The following C16orf46 variants were observed in gnomAD, a reference collection of about 807,000 sequenced individuals.
The protein encoded by C16orf46 is chromosome 16 open reading frame 46, also known as uncharacterized protein C16orf46.
C16orf46 carries 7 observed loss-of-function variants against 5.5 expected under a neutral mutation model. That is an observed-to-expected ratio of 1.28 (90% CI 0.73 to 2.40). The LOEUF (loss-of-function observed/expected upper bound fraction) is 2.40, where lower values mean the gene tolerates loss of function less well. Among genes scored for constraint, C16orf46 ranks in the 30% most tolerant of loss-of-function variants. The pLI is 0.00. For synonymous variants in C16orf46, 200 were observed against 184.1 expected (o/e 1.09, Z -0.70); for missense variants, 614 against 476.0 (o/e 1.29, Z -2.70).
chr16:81,067,505 A>T (rs1223132934), intron 1 of C16orf46, among the ~76,000 whole-genome samples: 1 of 152,180 alleles, frequency 6.6e-6, no homozygotes, highest in Non-Finnish European at 1.5e-5. Flanking sequence ...GGTACAATGA[A>T]TTTTGACCTT....
chr16:81,064,965 T>C (rs1445961923), intron 2 of C16orf46, among the ~76,000 whole-genome samples: 1 of 152,094 alleles, frequency 6.6e-6, no homozygotes, highest in Non-Finnish European at 1.5e-5. Context: ...ATGACGCCCC[T>C]AGCAAAGTAA....
At chr16:81,057,912 C>T (rs1971349306), downstream of C16orf46, 1 of 154,932 alleles carries the variant, frequency 6.5e-6, no homozygotes, top group Admixed American at 6.5e-5. Context: ...CACCTGTAAC[C>T]CCAGCTACTC....
chr16:81,071,102 G>A (rs890985999), intron 1 of C16orf46, among the ~76,000 whole-genome samples: 3 of 152,110 alleles, frequency 2.0e-5, no homozygotes, highest in Non-Finnish European at 2.9e-5. Context: ...ATCAGACAGC[G>A]GCGATATGGT....
At chr16:81,071,250 G>A (rs147801287) in intron 1 of C16orf46, among the ~76,000 whole-genome samples, 1 of 152,324 alleles carries the variant, frequency 6.6e-6, no homozygotes, top group East Asian at 1.9e-4. Context: ...TACTCCCAGT[G>A]TCATGGGGAA....
downstream of C16orf46, chr16:81,056,454 G>A (rs1971297109): frequency 6.6e-6 from 1 of 152,052 alleles, no homozygotes; most frequent in Admixed American, 6.6e-5. Context: ...CTAGCACTTT[G>A]GGAGGCTGAG....
rs778567536 is a variant in C16orf46, at chr16:81,063,782, G to A, written c.174C>T (p.Ala58=). ...ATCCAGTTCCAATAATAAACTCTTT[G>A]GCTTTTTCATCTTGTTCAAGCGTAA... is the stretch of plus-strand genomic sequence containing the variant. ...SDITLEQDEK[A]KEFIIGTGWE... is the part of the protein sequence containing the mutation. The change falls in exon 3 of 4, where the codon GCC becomes GCT. Residue 58 remains alanine (A), a synonymous_variant. Coordinates refer to ENST00000299578, the MANE Select transcript of C16orf46 (RefSeq NM_152337.3). The A allele has an allele frequency of 6.2e-6, 10 of 1,613,782 alleles. No individual in the cohort carries two copies. The South Asian group carries it at 1.1e-4, about 18-fold the overall frequency.
chr16:81,062,545 G>A lies in C16orf46; in HGVS notation c.211-407C>T, dbSNP rs145647247. Among the ~76,000 whole-genome samples, 38 of 152,218 alleles carry A rather than the reference G, an allele frequency of 2.5e-4. No individual in the cohort carries two copies. In the East Asian group the frequency reaches 4.6e-3, roughly 19 times the overall value. On this transcript the variant is annotated intron_variant, in intron 3 of 3. Transcript: ENST00000299578. ...AAGCCATTAAAATAAAATGAAAACCGTTCATACTTGTCCCACCAACAAGGA... is the reference window on the plus strand; with the variant it reads ...AAGCCATTAAAATAAAATGAAAACCATTCATACTTGTCCCACCAACAAGGA...
chr16:81,059,914 G>A (rs561998623), downstream of C16orf46, among the ~76,000 whole-genome samples: 14 of 151,422 alleles, frequency 9.2e-5, no homozygotes, highest in Non-Finnish European at 1.9e-4. Context: ...TCAGCCTCCT[G>A]AGTAGCTGGG....
chr16:81,065,746 G>C (rs570094445), intron 2 of C16orf46, among the ~76,000 whole-genome samples: 2 of 152,158 alleles, frequency 1.3e-5, no homozygotes, highest in South Asian at 4.1e-4. Context: ...TGTTTAGGAA[G>C]AGATCGGTAC....
intron 1 of C16orf46, among the ~76,000 whole-genome samples, chr16:81,074,619 G>A (rs536564362): frequency 1.3e-5 from 2 of 152,056 alleles, no homozygotes; most frequent in Non-Finnish European, 2.9e-5. Context: ...TCTTGACCTC[G>A]TGATCCGCCC....
At chr16:81,076,417 C>T (rs1972042026) in intron 1 of C16orf46, 1 of 152,128 alleles carries the variant, frequency 6.6e-6, no homozygotes, top group Non-Finnish European at 1.5e-5. Context: ...TTATTATATG[C>T]CTACAGGTCA....
intron 2 of C16orf46, among the ~76,000 whole-genome samples, chr16:81,064,998 C>T (rs2151752137): frequency 6.6e-6 from 1 of 150,934 alleles, no homozygotes; most frequent in African/African-American, 2.4e-5. Flanking sequence ...TGGTGATAAC[C>T]CTATCTACCA....
At chr16:81,063,504 G>C (rs1286886249) in intron 3 of C16orf46, among the ~76,000 whole-genome samples, 1 of 152,152 alleles carries the variant, frequency 6.6e-6, no homozygotes, top group Non-Finnish European at 1.5e-5. Context: ...GCTATTGAGA[G>C]GTTAGATGAA....
chr16:81,076,230 T>C (rs1347642529), intron 1 of C16orf46, among the ~76,000 whole-genome samples: 1 of 152,212 alleles, frequency 6.6e-6, no homozygotes, highest in East Asian at 1.9e-4. Flanking sequence ...GGCATCCTGA[T>C]CATTTGTGAC....
downstream of C16orf46, chr16:81,056,330 G>C (rs750950184): frequency 3.9e-5 from 6 of 152,184 alleles, no homozygotes; most frequent in Non-Finnish European, 5.9e-5. Flanking sequence ...GATGGGAAGA[G>C]AGAATGCCCA....
At chr16:81,054,760 T>G (rs114555291) in intron 3 of C16orf46, among the ~76,000 whole-genome samples, 9,315 of 152,226 alleles carry the variant, frequency 0.061, 297 homozygotes, top group Middle Eastern at 0.14. Context: ...GACCTTCTTA[T>G]GCCTCCGCCG....
At chr16:81,064,901 C>G (rs184173328) in intron 2 of C16orf46, among the ~76,000 whole-genome samples, 22 of 152,308 alleles carry the variant, frequency 1.4e-4, no homozygotes, top group Admixed American at 2.6e-4. Context: ...GAATCCAGAC[C>G]TATGAGGTAA....
chr16:81,074,570 A>C (rs1971962754), intron 1 of C16orf46, among the ~76,000 whole-genome samples: 1 of 152,018 alleles, frequency 6.6e-6, no homozygotes, highest in Non-Finnish European at 1.5e-5. Flanking sequence ...TTTTTAGTAG[A>C]GACAGGGTTT....
chr16:81,060,804 G>C (rs955239524), downstream of C16orf46: 1 of 248,976 alleles, frequency 4.0e-6, no homozygotes, highest in African/African-American at 2.2e-5. Flanking sequence ...GGCCAGCATG[G>C]AGGGAAGGAG....
Sources: gnomAD v4.1 joint callset for allele counts (sites outside exome capture counted in the v4.1 genomes callset) on GRCh38, gnomAD v4.1.1 for gene constraint, MANE v1.5 for transcripts, NCBI Gene and HGNC (gene_info 2026-07-23, HGNC 2026-07-21) for gene names.